DHX38: variants seen among roughly 807,000 people sequenced by gnomAD.
The protein encoded by DHX38 is pre-mRNA-splicing factor ATP-dependent RNA helicase PRP16.
Under a neutral mutation model 153.1 loss-of-function variants are expected in DHX38, and 100 were observed. The observed-to-expected ratio is 0.65, with a 90% CI of 0.56 to 0.77. The LOEUF is 0.77. DHX38 is among the 30% of genes least tolerant of loss of function. The probability of loss-of-function intolerance (pLI) is 0.00; values close to 1 mark genes in which losing one functional copy is unlikely to be tolerated. For synonymous variants in DHX38, 650 were observed against 631.7 expected, an observed-to-expected ratio of 1.03 and a Z score of -0.43; for missense variants, 1,440 against 1,654.0, an observed-to-expected ratio of 0.87 and a Z score of 2.24.
chr16:72,111,768 T>C (rs531602994), intron 26 of DHX38, among the ~76,000 whole-genome samples: 45 of 152,282 alleles, frequency 3.0e-4, no homozygotes, highest in Admixed American at 1.4e-3. Context: ...TCACCTGAAC[T>C]TCAGTGTCCA....
Position 72,107,582 on chromosome 16 carries a change from C to A in DHX38, c.2809+34C>A. On this transcript the variant is annotated intron_variant, in intron 20 of 26. Transcript: ENST00000268482. The surrounding 1 kb of genome is among the most constrained non-coding windows in gnomAD (Gnocchi z 5.3). ...GCCCCGGGAGCCTCATGGGTGCTGG[C>A]GCTTGACTTCCTTCTTTCCTCTACT... The A allele has an allele frequency of 6.2e-7, 1 of 1,609,186 alleles. No homozygotes were observed. The highest frequency in any genetic ancestry group is 8.5e-7 in the Non-Finnish European group (1 of 1,176,026).
Position 72,100,954 on chromosome 16 carries a change from CAGAA to C in DHX38, c.1279-127_1279-124del, listed in dbSNP as rs533810362. 3.6e-4 allele frequency: 335 copies of C among 935,136 alleles called. No individual in the cohort carries two copies. In the African/African-American group the frequency reaches 5.2e-3, roughly 15 times the overall value. 57.9% of individuals were successfully genotyped at this position (935,136 alleles called of 1,614,324 possible). A position where few individuals can be genotyped will look rare whatever the true frequency, so the allele number is the denominator to read the frequency against. On this transcript the variant is annotated intron_variant, in intron 9 of 26. Coordinates refer to ENST00000268482, the MANE Select transcript of DHX38 (RefSeq NM_014003.4). ...ACACAAAAAAGGCCTGATGTGGAGACAGAAAGAAGAGAAGGGAGAAAATAGCCCT... is the reference window on the plus strand; with the variant it reads ...ACACAAAAAAGGCCTGATGTGGAGACAGAAGAGAAGGGAGAAAATAGCCCT...
At chr16:72,096,800 C>G in intron 2 of DHX38, 22 bp from the exon 3 acceptor site, 3 of 1,600,838 alleles carry the variant, frequency 1.9e-6, no homozygotes, top group Non-Finnish European at 2.6e-6. Flanking sequence ...GGGGCCTTTA[C>G]CAGTTGCTCT....
At position 72,112,423 on chromosome 16, in the gene DHX38, A is replaced by T. The variant is rs1248891404; in HGVS notation, c.3610A>T (p.Ile1204Phe). ...SPLGSVRSTK[I>F]YTPGRKEQGE... ...CTGCTGTGTCTCCAGGTCTACGAAGATCTACACTCCAGGCCGGAAAGAGCA... is the reference window on the plus strand; with the variant it reads ...CTGCTGTGTCTCCAGGTCTACGAAGTTCTACACTCCAGGCCGGAAAGAGCA... Residue 1204 changes from isoleucine to phenylalanine, a missense_variant, in exon 27 of 27, where the codon ATC becomes TTC. Physicochemically the swap from Ile to Phe is conservative, Grantham distance 21. Transcript: ENST00000268482. The T allele has an allele frequency of 5.0e-6, 8 of 1,609,586 alleles. No homozygotes were observed. The South Asian group carries it at 8.8e-5, about 18-fold the overall frequency.
rs754980417 is a variant in DHX38 at position 72,104,175 on chromosome 16, C to G, written c.2010+44C>G. 5.0e-6 allele frequency: 8 copies of G among 1,597,746 alleles called. No homozygotes were observed. Among genetic ancestry groups the G allele is most frequent in the Non-Finnish European group, 6.8e-6 (8 of 1,169,152 alleles). On this transcript the variant is annotated intron_variant, in intron 14 of 26. Coordinates refer to ENST00000268482, the MANE Select transcript of DHX38 (RefSeq NM_014003.4). This position sits in a 1 kb window ranked among gnomAD's most constrained non-coding sequence, Gnocchi z 4.5. ...GGTCTCTCTGCGCATGGGGTGTTGA[C>G]CAGTGCACCACCAGTAGCTAGTGGG...
intron 2 of DHX38, 137 bp downstream of exon 2, chr16:72,096,617 A>G: frequency 6.8e-7 from 1 of 1,479,224 alleles, no homozygotes; most frequent in South Asian, 1.4e-5. Context: ...TACTGAAGGT[A>G]GGTAGGAATT....
intron 7 of DHX38, 99 bp from the exon 8 acceptor site, chr16:72,099,633 G>A (rs2042071255): frequency 6.7e-7 from 1 of 1,498,368 alleles, no homozygotes; most frequent in African/African-American, 1.4e-5. Flanking sequence ...CTCCACTGCA[G>A]TAGTGACTTC....
intron 11 of DHX38, 21 bp from the exon 12 acceptor site, chr16:72,103,053 T>C (rs2042122048): frequency 6.2e-7 from 1 of 1,613,438 alleles, no homozygotes; most frequent in African/African-American, 1.3e-5. Flanking sequence ...GCAGGGTGTT[T>C]AGGCTGCTGT....
At position 72,096,725 on chromosome 16, in the gene DHX38, T is replaced by C. The variant is rs2042024436; in HGVS notation, c.324-97T>C. The C allele has an allele frequency of 3.3e-6, 5 of 1,503,858 alleles. No homozygotes were observed. In the Admixed American group the frequency reaches 1.1e-4, roughly 34 times the overall value. 93.2% of individuals were successfully genotyped at this position (1,503,858 alleles called of 1,614,324 possible). ...GAGCCTGCGTCCCAGGGAGAGAAAG[T>C]GGAAAAGGACAGATCACTTGTTTGG... On this transcript the variant is annotated intron_variant, in intron 2 of 26. Transcript: ENST00000268482.
At chr16:72,097,811 G>C (rs778329320) in intron 4 of DHX38, 30 bp downstream of exon 4, 1 of 1,590,398 alleles carries the variant, frequency 6.3e-7, no homozygotes, top group East Asian at 2.3e-5. Context: ...GGCTTGTGAG[G>C]ATTCAAGTGT....
rs778455359 is a variant in DHX38 at position 72,107,555 on chromosome 16, C to A, written c.2809+7C>A. 6.2e-7 allele frequency: 1 copy of A among 1,610,634 alleles called. No homozygotes were observed. ...GGGGCCCTGGACAACACAGGTGAGG[C>A]GGCCCCGGGAGCCTCATGGGTGCTG... On this transcript the variant is annotated splice_region_variant and intron_variant, in intron 20 of 26. Transcript: ENST00000268482. This position sits in a 1 kb window ranked among gnomAD's most constrained non-coding sequence, Gnocchi z 5.3.
intron 10 of DHX38, 28 bp from the exon 11 acceptor site, chr16:72,101,472 G>A (rs1406494384): frequency 1.3e-6 from 2 of 1,542,280 alleles, no homozygotes; most frequent in East Asian, 2.4e-5. Context: ...GTGGCAGGAT[G>A]GAGCAGACTG....
rs765863247 is a variant in DHX38, at chr16:72,104,069, A to G, written c.1948A>G (p.Ile650Val). ...EADLDHYSAI[I>V]MDEAHERSLN... is the part of the protein sequence containing the mutation. ...CGACCTGGATCACTACAGTGCCATC[A>G]TCATGGACGAGGCCCACGAGCGCTC... Residue 650 changes from isoleucine to valine, a missense_variant, in exon 14 of 27, where the codon ATC becomes GTC. Coordinates refer to ENST00000268482, the MANE Select transcript of DHX38 (RefSeq NM_014003.4). This position sits in a 1 kb window ranked among gnomAD's most constrained non-coding sequence, Gnocchi z 4.5. The G allele has an allele frequency of 1.2e-6, 2 of 1,614,164 alleles. No individual in the cohort carries two copies. The highest frequency in any genetic ancestry group is 1.1e-5 in the South Asian group (1 of 91,080).
intron 2 of DHX38, 37 bp downstream of exon 2, chr16:72,096,517 G>C: frequency 6.5e-7 from 1 of 1,544,646 alleles, no homozygotes; most frequent in Non-Finnish European, 8.7e-7. Context: ...AGAGGGAAGC[G>C]AACGGAGGCT....
rs772832163 is a variant in DHX38 at position 72,098,771 on chromosome 16, T to C, written c.743T>C (p.Leu248Pro). 1.4e-5 allele frequency: 23 copies of C among 1,614,184 alleles called. No homozygotes were observed. Among genetic ancestry groups the C allele is most frequent in the Non-Finnish European group, 1.9e-5 (22 of 1,180,020 alleles). The change falls in exon 5 of 27, where the codon CTG (leucine) becomes CCG (proline). Residue 248 changes from leucine to proline, a missense_variant. Around this residue, in one of 6 missense-constraint regions of DHX38, gnomAD observed 483 missense variants for 465.1 expected, o/e 1.04. Transcript: ENST00000268482. ...SYRDSERSHR[L>P]STRDRDRSVR... is the part of the protein sequence containing the mutation. ...CGGGATTCTGAGCGGAGCCATCGGC[T>C]GTCCACTCGAGATCGAGACAGGTGA...
At chr16:72,103,521 G>A in intron 12 of DHX38, 81 bp from the exon 13 acceptor site, 1 of 1,465,142 alleles carries the variant, frequency 6.8e-7, no homozygotes, top group Non-Finnish European at 9.4e-7. Flanking sequence ...CATGGGGATA[G>A]GAGGTAGCGG....
Position 72,104,354 on chromosome 16 carries a change from T to C in DHX38, c.2011-132T>C. ...AGTGGCTCCATTGCTTCAGTCTTCA[T>C]GATTGGTAAGAATTGAATAGGCCCA... On this transcript the variant is annotated intron_variant, in intron 14 of 26. Transcript: ENST00000268482. This position sits in a 1 kb window ranked among gnomAD's most constrained non-coding sequence, Gnocchi z 4.5. 1 of 1,331,776 alleles carries C rather than the reference T, an allele frequency of 7.5e-7. No individual in the cohort carries two copies. The highest frequency in any genetic ancestry group is 1.4e-5 in the South Asian group (1 of 69,920). 82.5% of individuals were successfully genotyped at this position (1,331,776 alleles called of 1,614,324 possible). A position where few individuals can be genotyped will look rare whatever the true frequency, so the allele number is the denominator to read the frequency against.
rs1361450627 is a variant in DHX38, at chr16:72,108,470, T to G, written c.3121-3T>G. On this transcript the variant is annotated splice_polypyrimidine_tract_variant and splice_region_variant and intron_variant, in intron 22 of 26. Coordinates refer to ENST00000268482, the MANE Select transcript of DHX38 (RefSeq NM_014003.4). Reference sequence around the variant, plus strand: ...CTCCTGGTGCCTCCGTCTCCTGCCCTAGGTCCGGGAGGTGCGAGCTCAACT... The same window carrying G: ...CTCCTGGTGCCTCCGTCTCCTGCCCGAGGTCCGGGAGGTGCGAGCTCAACT... 1.2e-6 allele frequency: 2 copies of G among 1,614,062 alleles called. No individual in the cohort carries two copies. Among genetic ancestry groups the G allele is most frequent in the Non-Finnish European group, 1.7e-6 (2 of 1,179,930 alleles).
At chr16:72,098,845 T>G in intron 5 of DHX38, 53 bp downstream of exon 5, 2 of 1,613,408 alleles carry the variant, frequency 1.2e-6, no homozygotes, top group Admixed American at 3.3e-5. Context: ...GTAAGGAGCC[T>G]CGGCAGGGAG....
Sources: gnomAD v4.1 joint callset for allele counts (sites outside exome capture counted in the v4.1 genomes callset) on GRCh38, gnomAD v4.1.1 for gene constraint, gnomAD v4.1.1 regional missense constraint, Gnocchi (gnomAD v3.1) non-coding constraint, MANE v1.5 for transcripts, NCBI Gene and HGNC (gene_info 2026-07-23, HGNC 2026-07-21) for gene names.